The following DLGAP1 variants were observed in gnomAD, a reference collection of about 807,000 sequenced individuals.
DLGAP1 encodes DLG associated protein 1.
In DLGAP1, 11 loss-of-function variants were observed where a neutral mutation model predicts 90.8. The observed-to-expected ratio is 0.12, with a 90% CI of 0.08 to 0.20. The LOEUF (loss-of-function observed/expected upper bound fraction) is 0.20. Ranked by LOEUF, DLGAP1 falls within the 10% of genes least tolerant of loss-of-function variation. The pLI is 1.00. For synonymous variants in DLGAP1, 558 were observed against 540.7 expected, an observed-to-expected ratio of 1.03 and a Z score of -0.44; for missense variants, 1,050 against 1,333.8, an observed-to-expected ratio of 0.79 and a Z score of 3.31.
chr18:4,412,430 G>A (rs2082799605), intron 1 of DLGAP1, among the ~76,000 whole-genome samples: 1 of 152,162 alleles, frequency 6.6e-6, no homozygotes, highest in South Asian at 2.1e-4. Flanking sequence ...CAGGCTGCCA[G>A]ACAAATAACT....
intron 4 of DLGAP1, chr18:3,874,862 A>AAGTGC: frequency 1.6e-5 from 16 of 989,390 alleles, no homozygotes; most frequent in Non-Finnish European, 2.1e-5. Flanking sequence ...GTGAGCACTT[A>AAGTGC]TCACTCATAA....
At chr18:4,016,227 C>A (rs1405877549) in intron 2 of DLGAP1, among the ~76,000 whole-genome samples, 1 of 152,192 alleles carries the variant, frequency 6.6e-6, no homozygotes, top group African/African-American at 2.4e-5. Context: ...TATAAATCTA[C>A]AGTGGTCTTC....
chr18:3,704,223 C>T (rs1457365487), intron 7 of DLGAP1, among the ~76,000 whole-genome samples: 1 of 152,158 alleles, frequency 6.6e-6, no homozygotes, highest in African/African-American at 2.4e-5. Flanking sequence ...TGCCTAGAGA[C>T]CATGCTTCCT....
intron 5 of DLGAP1, among the ~76,000 whole-genome samples, chr18:3,746,172 CT>C (rs1271704287): frequency 2.6e-5 from 4 of 152,032 alleles, no homozygotes; most frequent in Non-Finnish European, 4.4e-5. Context: ...GGAGTTAGAC[CT>C]TTTTTGCCTC....
chr18:3,592,346 T>C (rs961130851), intron 7 of DLGAP1, among the ~76,000 whole-genome samples: 12 of 152,252 alleles, frequency 7.9e-5, no homozygotes, highest in African/African-American at 2.7e-4. Flanking sequence ...TGATGTGTTA[T>C]GCTGGCCGGA....
intron 7 of DLGAP1, among the ~76,000 whole-genome samples, chr18:3,609,782 G>A (rs1418890616): frequency 6.6e-6 from 1 of 151,580 alleles, no homozygotes; most frequent in Non-Finnish European, 1.5e-5. Flanking sequence ...CGGAGGCCGG[G>A]CGCGGTGGCT....
chr18:3,889,967 A>T (rs1261497647), intron 3 of DLGAP1, among the ~76,000 whole-genome samples: 1 of 152,220 alleles, frequency 6.6e-6, no homozygotes, highest in Non-Finnish European at 1.5e-5. Context: ...AAGCTGCCTA[A>T]TGGCCTTGTA....
intron 7 of DLGAP1, among the ~76,000 whole-genome samples, chr18:3,645,628 C>T (rs890009341): frequency 1.3e-5 from 2 of 152,176 alleles, no homozygotes; most frequent in African/African-American, 4.8e-5. Flanking sequence ...ACTGGGGCAT[C>T]CTTCTGATCT....
At chr18:3,858,224 C>T (rs2069771957) in intron 4 of DLGAP1, among the ~76,000 whole-genome samples, 1 of 152,064 alleles carries the variant, frequency 6.6e-6, no homozygotes, top group Non-Finnish European at 1.5e-5. Context: ...TTTTACTTTT[C>T]TCTTTCCAGA....
At chr18:3,909,676 C>A (rs939723603) in intron 3 of DLGAP1, among the ~76,000 whole-genome samples, 2 of 152,098 alleles carry the variant, frequency 1.3e-5, no homozygotes, top group African/African-American at 4.8e-5. Context: ...ACGGAAAATT[C>A]TTTGAACAGC....
intron 4 of DLGAP1, among the ~76,000 whole-genome samples, chr18:3,875,523 TG>T (rs2070976323): frequency 6.6e-6 from 1 of 152,192 alleles, no homozygotes; most frequent in South Asian, 2.1e-4. Context: ...GCATAGTAAA[TG>T]AATACAGACT....
At chr18:3,830,198 A>T (rs2067955043) in intron 4 of DLGAP1, among the ~76,000 whole-genome samples, 2 of 152,334 alleles carry the variant, frequency 1.3e-5, no homozygotes, top group South Asian at 4.1e-4. Context: ...AGAGTCATTC[A>T]TGGAATTTTT....
intron 1 of DLGAP1, among the ~76,000 whole-genome samples, chr18:4,310,357 C>G (rs552930364): frequency 6.6e-6 from 1 of 152,188 alleles, no homozygotes; most frequent in Admixed American, 6.5e-5. Context: ...TTTTGAAACA[C>G]AAAACAACTG....
At chr18:3,518,755 G>A (rs559337485) in intron 10 of DLGAP1, among the ~76,000 whole-genome samples, 55 of 152,222 alleles carry the variant, frequency 3.6e-4, no homozygotes, top group Non-Finnish European at 1.6e-4. Flanking sequence ...ATAGGTAAAC[G>A]TGAGAATGCA....
At chr18:4,277,007 C>T (rs894343117) in intron 1 of DLGAP1, among the ~76,000 whole-genome samples, 2 of 152,170 alleles carry the variant, frequency 1.3e-5, no homozygotes, top group African/African-American at 4.8e-5. Flanking sequence ...TATTTTCTAA[C>T]CCATAAATAA....
intron 1 of DLGAP1, among the ~76,000 whole-genome samples, chr18:4,386,129 G>A (rs1457294374): frequency 6.6e-6 from 1 of 151,994 alleles, no homozygotes; most frequent in Non-Finnish European, 1.5e-5. Context: ...GGAAGGGGGT[G>A]GCTACAATGA....
intron 2 of DLGAP1, among the ~76,000 whole-genome samples, chr18:4,136,164 A>C (rs946107280): frequency 1.3e-5 from 2 of 152,114 alleles, no homozygotes; most frequent in Non-Finnish European, 2.9e-5. Context: ...AATTAGGTAG[A>C]TTCCAAATCT....
intron 2 of DLGAP1, among the ~76,000 whole-genome samples, chr18:4,102,393 G>A (rs1334908048): frequency 3.3e-5 from 5 of 152,174 alleles, no homozygotes; most frequent in Non-Finnish European, 7.4e-5. Context: ...TTGGGTTTAG[G>A]CATATGCTTT....
Position 3,898,008 on chromosome 18 carries a change from A to G in DLGAP1, c.-72-17868T>C, listed in dbSNP as rs369560764. On this transcript the variant is annotated intron_variant, in intron 3 of 12. Coordinates refer to ENST00000315677, the MANE Select transcript of DLGAP1 (RefSeq NM_004746.4). ...ACGGGGTTTCACCTTGTTAGCCAGG[A>G]TGGTCTCGATCTCCTGACCTCGTGA... 9.7e-3 allele frequency among the ~76,000 whole-genome samples: 1,474 copies of G among 151,760 alleles called. 32 individuals carry two copies. The highest frequency in any genetic ancestry group is 0.032 in the African/African-American group (1,307 of 41,418).
Sources: allele counts gnomAD v4.1 joint callset (sites outside exome capture counted in the v4.1 genomes callset), GRCh38; gene constraint gnomAD v4.1.1; transcripts MANE v1.5; gene names NCBI Gene and HGNC (gene_info 2026-07-23, HGNC 2026-07-21).